Variants in ZNF385D observed in about 807,000 individuals in gnomAD.
ZNF385D encodes the protein zinc finger protein 385D, also known as zinc finger protein 659.
A neutral mutation model predicts 35.8 loss-of-function variants in ZNF385D; 15 were observed. The ratio of observed to expected loss-of-function variants is 0.42; its 90% CI spans 0.28 to 0.64. The LOEUF is 0.64. ZNF385D is among the 30% of genes least tolerant of loss of function. The pLI is 0.23. For missense variants in ZNF385D, 474 were observed against 494.6 expected (o/e 0.96, Z 0.39); for synonymous variants, 212 against 186.8 (o/e 1.13, Z -1.10).
intron 3 of ZNF385D, among the ~76,000 whole-genome samples, chr3:21,819,607 A>G (rs921455041): frequency 1.6e-4 from 23 of 146,904 alleles, no homozygotes; most frequent in Non-Finnish European, 4.5e-5. Context: ...GTGTGTATAT[A>G]TGTTATATAT....
intron 2 of ZNF385D, among the ~76,000 whole-genome samples, chr3:22,223,309 A>T (rs776103060): frequency 6.6e-6 from 1 of 152,152 alleles, no homozygotes; most frequent in Non-Finnish European, 1.5e-5. Context: ...TGTTTGTTGT[A>T]TAAGTTGTTG....
chr3:21,721,102 G>A (rs558074561), intron 1 of ZNF385D, among the ~76,000 whole-genome samples: 112 of 151,520 alleles, frequency 7.4e-4, no homozygotes, highest in Non-Finnish European at 1.3e-3. Context: ...AAGTTTATTC[G>A]AAAACATACT....
chr3:22,234,687 A>G (rs1022663359), intron 2 of ZNF385D, among the ~76,000 whole-genome samples: 1 of 152,002 alleles, frequency 6.6e-6, no homozygotes, highest in Non-Finnish European at 1.5e-5. Context: ...ATTTATACAA[A>G]ATATTTGCTA....
At chr3:22,317,562 C>A (rs1703970994) in intron 2 of ZNF385D, among the ~76,000 whole-genome samples, 1 of 152,060 alleles carries the variant, frequency 6.6e-6, no homozygotes, top group Admixed American at 6.6e-5. Context: ...TGTCTGCCTC[C>A]ACCTCCATGC....
At chr3:22,245,759 AG>A (rs1248222517) in intron 2 of ZNF385D, among the ~76,000 whole-genome samples, 1 of 65,084 alleles carries the variant, frequency 1.5e-5, no homozygotes, top group African/African-American at 5.9e-5. Context: ...GGTGGTGGGG[AG>A]GGGGGGCTAT....
chr3:21,976,092 G>C (rs562438905), intron 3 of ZNF385D, among the ~76,000 whole-genome samples: 2 of 152,268 alleles, frequency 1.3e-5, no homozygotes, highest in South Asian at 2.1e-4. Context: ...GGGAAAACTA[G>C]AGGGATCCTG....
At chr3:22,169,508 C>A (rs750126621) in intron 2 of ZNF385D, among the ~76,000 whole-genome samples, 9 of 152,022 alleles carry the variant, frequency 5.9e-5, no homozygotes, top group Non-Finnish European at 1.3e-4. Context: ...AAATAAAGTT[C>A]TTATATTCCT....
At chr3:21,699,479 A>C (rs535518818) in intron 1 of ZNF385D, among the ~76,000 whole-genome samples, 1 of 152,236 alleles carries the variant, frequency 6.6e-6, no homozygotes, top group African/African-American at 2.4e-5. Context: ...CCAGAACTTA[A>C]AGTATAATAA....
chr3:21,818,520 A>C (rs989188739), intron 3 of ZNF385D, among the ~76,000 whole-genome samples: 1 of 152,178 alleles, frequency 6.6e-6, no homozygotes, highest in Non-Finnish European at 1.5e-5. Context: ...TTAATTTTTA[A>C]ATAAAAAGCC....
chr3:22,251,885 T>A (rs1294602779), intron 2 of ZNF385D, among the ~76,000 whole-genome samples: 2 of 152,090 alleles, frequency 1.3e-5, no homozygotes, highest in African/African-American at 4.8e-5. Context: ...AAAGTTCAAT[T>A]CCCTCTTTTG....
At chr3:21,746,621 G>C (rs1189037431) in intron 1 of ZNF385D, among the ~76,000 whole-genome samples, 1 of 152,166 alleles carries the variant, frequency 6.6e-6, no homozygotes, top group East Asian at 1.9e-4. Context: ...GGGGACTTTA[G>C]ACATAGAAGT....
chr3:21,922,054 G>C (rs1205349680), intron 3 of ZNF385D, among the ~76,000 whole-genome samples: 5 of 152,006 alleles, frequency 3.3e-5, no homozygotes, highest in Non-Finnish European at 5.9e-5. Context: ...AAAAGAAAAT[G>C]ACAGGTCAAT....
chr3:21,452,986 G>A lies in ZNF385D; in HGVS notation c.440-15783C>T, dbSNP rs367601483. On this transcript the variant is annotated intron_variant, in intron 4 of 7. Transcript: ENST00000281523. ...TCTTGAATTCAAAACTTACTAAAAA[G>A]TTACAGTAATAAAAACAGTGTGGCA... is the stretch of plus-strand genomic sequence containing the variant. 2.5e-4 allele frequency among the ~76,000 whole-genome samples: 38 copies of A among 151,986 alleles called. 1 individual carries two copies. Among genetic ancestry groups the A allele is most frequent in the African/African-American group, 7.7e-4 (32 of 41,518 alleles).
intron 3 of ZNF385D, among the ~76,000 whole-genome samples, chr3:21,840,429 C>G (rs1376185394): frequency 1.3e-5 from 2 of 152,076 alleles, no homozygotes; most frequent in African/African-American, 4.8e-5. Flanking sequence ...TTCCTATTCC[C>G]TGATATCTTC....
intron 3 of ZNF385D, among the ~76,000 whole-genome samples, chr3:22,041,822 G>GA (rs1248781697): frequency 6.6e-6 from 1 of 151,938 alleles, no homozygotes; most frequent in Non-Finnish European, 1.5e-5. Context: ...AGGAATGGTT[G>GA]AAAAAAACAG....
intron 3 of ZNF385D, among the ~76,000 whole-genome samples, chr3:22,005,600 A>G (rs530823117): frequency 6.6e-6 from 1 of 152,150 alleles, no homozygotes; most frequent in African/African-American, 2.4e-5. Flanking sequence ...CATGTATCCC[A>G]TAAGTATGTA....
At chr3:21,981,913 T>C (rs1469890168) in intron 3 of ZNF385D, among the ~76,000 whole-genome samples, 2 of 152,124 alleles carry the variant, frequency 1.3e-5, no homozygotes, top group Non-Finnish European at 2.9e-5. Context: ...TCCTTTTCCA[T>C]TGGTTTACAT....
At chr3:21,932,129 T>C (rs954736311) in intron 3 of ZNF385D, among the ~76,000 whole-genome samples, 4 of 119,966 alleles carry the variant, frequency 3.3e-5, no homozygotes, top group Non-Finnish European at 4.8e-5. Flanking sequence ...ATAGCGCCCC[T>C]GCACTCCGGC....
At chr3:22,041,135 C>T (rs1698639142) in intron 3 of ZNF385D, among the ~76,000 whole-genome samples, 1 of 151,724 alleles carries the variant, frequency 6.6e-6, no homozygotes, top group African/African-American at 2.4e-5. Flanking sequence ...TATGTTGGCT[C>T]CTGAGCAAGT....
Sources: gnomAD v4.1 joint callset for allele counts (sites outside exome capture counted in the v4.1 genomes callset) on GRCh38, gnomAD v4.1.1 for gene constraint, MANE v1.5 for transcripts, NCBI Gene and HGNC (gene_info 2026-07-23, HGNC 2026-07-21) for gene names.